The following ZSWIM5 variants were observed in gnomAD, a reference collection of about 807,000 sequenced individuals.
ZSWIM5 encodes the protein zinc finger SWIM domain-containing protein 5.
In ZSWIM5, 55 loss-of-function variants were observed where a neutral mutation model predicts 119.6. The observed-to-expected ratio is 0.46, with a 90% CI of 0.37 to 0.58. The LOEUF (loss-of-function observed/expected upper bound fraction) is 0.58, where lower values mean the gene tolerates loss of function less well. ZSWIM5 is among the 20% of genes least tolerant of loss of function. The pLI is 0.00. For missense variants in ZSWIM5, 1,193 were observed against 1,512.8 expected, an observed-to-expected ratio of 0.79 and a Z score of 3.51; for synonymous variants, 537 against 606.9, an observed-to-expected ratio of 0.88 and a Z score of 1.69.
chr1:45,170,488 G>A (rs1346368150), intron 1 of ZSWIM5, among the ~76,000 whole-genome samples: 1 of 151,536 alleles, frequency 6.6e-6, no homozygotes, highest in Non-Finnish European at 1.5e-5. Flanking sequence ...GCGGTGGCAG[G>A]ATCATGACTC....
rs1356538801 is a variant in ZSWIM5, at chr1:45,109,734, G to C, written c.596-21497C>G. Among the ~76,000 whole-genome samples, 3 of 101,698 alleles carry C rather than the reference G, an allele frequency of 2.9e-5. No homozygotes were observed. In the East Asian group the frequency reaches 8.0e-4, roughly 27 times the overall value. The allele number at this position is 101,698 out of a possible 152,430, so 66.7% of individuals were successfully genotyped here. A position where few individuals can be genotyped will look rare whatever the true frequency, so the allele number is the denominator to read the frequency against. ...CAATCCATCCTGGGCGACAGAGCTA[G>C]ACTTCGTATGAAAAAAAAAAAAAGA... On this transcript the variant is annotated intron_variant, in intron 1 of 13. Transcript: ENST00000359600.
At chr1:45,116,022 A>G (rs1268164891) in intron 1 of ZSWIM5, among the ~76,000 whole-genome samples, 1 of 151,474 alleles carries the variant, frequency 6.6e-6, no homozygotes, top group African/African-American at 2.4e-5. Context: ...CAGGAGAATC[A>G]GGCAGGGAGG....
chr1:45,020,811 C>G lies in ZSWIM5; in HGVS notation c.2450-23G>C, dbSNP rs776929680. On this transcript the variant is annotated intron_variant, in intron 11 of 13. Coordinates refer to ENST00000359600, the MANE Select transcript of ZSWIM5 (RefSeq NM_020883.2). ...CTCCTATAGGTGTCAAGAGAAGGGGCAGGGTCTATTTTAAAGTTTTACTAA... is the reference window on the plus strand; with the variant it reads ...CTCCTATAGGTGTCAAGAGAAGGGGGAGGGTCTATTTTAAAGTTTTACTAA... 6.2e-6 allele frequency: 10 copies of G among 1,608,512 alleles called. No individual in the cohort carries two copies. The African/African-American group carries it at 1.3e-4, about 22-fold the overall frequency.
At chr1:45,036,901 C>T (rs554593760) in intron 8 of ZSWIM5, among the ~76,000 whole-genome samples, 5 of 152,042 alleles carry the variant, frequency 3.3e-5, no homozygotes, top group African/African-American at 9.7e-5. Context: ...TGGGCTCAAG[C>T]GACCCTCCCA....
At chr1:45,163,837 C>T (rs1181728913) in intron 1 of ZSWIM5, among the ~76,000 whole-genome samples, 1 of 152,132 alleles carries the variant, frequency 6.6e-6, no homozygotes, top group South Asian at 2.1e-4. Context: ...ACCAAATCTA[C>T]GTCTGATTGG....
At chr1:45,161,109 C>A (rs1645861714) in intron 1 of ZSWIM5, among the ~76,000 whole-genome samples, 1 of 151,736 alleles carries the variant, frequency 6.6e-6, no homozygotes, top group African/African-American at 2.4e-5. Flanking sequence ...AAGGCATGAG[C>A]CACCGTGCCT....
intron 11 of ZSWIM5, among the ~76,000 whole-genome samples, chr1:45,033,547 G>A (rs1644965071): frequency 6.6e-6 from 1 of 152,050 alleles, no homozygotes; most frequent in Non-Finnish European, 1.5e-5. Context: ...GGATGTATGT[G>A]AGCTTAAAGG....
chr1:45,074,352 A>G (rs1645243710), intron 2 of ZSWIM5, among the ~76,000 whole-genome samples: 2 of 151,720 alleles, frequency 1.3e-5, no homozygotes, highest in South Asian at 4.1e-4. Flanking sequence ...GCTGGGTCTC[A>G]GGCTTTTCAT....
At chr1:45,167,900 G>A (rs1277715373) in intron 1 of ZSWIM5, among the ~76,000 whole-genome samples, 1 of 152,162 alleles carries the variant, frequency 6.6e-6, no homozygotes, top group African/African-American at 2.4e-5. Flanking sequence ...TTCAACCATT[G>A]TGGAAGACAG....
chr1:45,198,345 A>T (rs1234531178), intron 1 of ZSWIM5, among the ~76,000 whole-genome samples: 3 of 152,250 alleles, frequency 2.0e-5, no homozygotes, highest in African/African-American at 7.2e-5. Flanking sequence ...GCACAATCAA[A>T]GCAATGGCTA....
At chr1:45,109,079 G>A (rs889476633) in intron 1 of ZSWIM5, among the ~76,000 whole-genome samples, 1 of 152,114 alleles carries the variant, frequency 6.6e-6, no homozygotes. Flanking sequence ...GTTCCATCTT[G>A]CAACTTGACC....
intron 1 of ZSWIM5, among the ~76,000 whole-genome samples, chr1:45,134,044 T>C (rs1209703903): frequency 2.6e-5 from 4 of 152,216 alleles, no homozygotes; most frequent in Non-Finnish European, 5.9e-5. Context: ...TCAGGTAGCA[T>C]GATGCCTCCA....
intron 1 of ZSWIM5, among the ~76,000 whole-genome samples, chr1:45,170,731 A>C (rs555131506): frequency 6.6e-6 from 1 of 151,708 alleles, no homozygotes; most frequent in African/African-American, 2.4e-5. Flanking sequence ...GCCACCACAC[A>C]AGGTTAATTT....
chr1:45,152,953 AGACAC>A (rs1645805989), intron 1 of ZSWIM5, among the ~76,000 whole-genome samples: 1 of 152,034 alleles, frequency 6.6e-6, no homozygotes, highest in Non-Finnish European at 1.5e-5. Context: ...AAATGCAAAC[AGACAC>A]TTCTCAAAAG....
At chr1:45,132,767 C>T (rs187862011) in intron 1 of ZSWIM5, among the ~76,000 whole-genome samples, 30 of 152,266 alleles carry the variant, frequency 2.0e-4, no homozygotes, top group Non-Finnish European at 3.2e-4. Context: ...CCCCACTCCC[C>T]GCACCCCACA....
At chr1:45,137,694 G>A (rs1272814142) in intron 1 of ZSWIM5, among the ~76,000 whole-genome samples, 1 of 152,148 alleles carries the variant, frequency 6.6e-6, no homozygotes, top group Non-Finnish European at 1.5e-5. Flanking sequence ...AGAATAGCAA[G>A]GAGGACATTA....
intron 1 of ZSWIM5, among the ~76,000 whole-genome samples, chr1:45,111,839 A>C (rs981707285): frequency 6.6e-6 from 1 of 152,228 alleles, no homozygotes. Context: ...TAGTAAATTT[A>C]TTCTCCCTGC....
rs530661287 is a variant in ZSWIM5, at chr1:45,085,489, C to T, written c.952+2392G>A. On this transcript the variant is annotated intron_variant, in intron 2 of 13. Coordinates refer to ENST00000359600, the MANE Select transcript of ZSWIM5 (RefSeq NM_020883.2). ...TTTCCAAACTTTTACACTCTGTTTC[C>T]CTTTTAAATATAAGTTCTAGTTTTA... 3.3e-5 allele frequency among the ~76,000 whole-genome samples: 5 copies of T among 151,492 alleles called. No homozygotes were observed. In the South Asian group the frequency reaches 1.0e-3, roughly 32 times the overall value.
At chr1:45,105,780 G>C (rs545403001) in intron 1 of ZSWIM5, among the ~76,000 whole-genome samples, 1 of 142,450 alleles carries the variant, frequency 7.0e-6, no homozygotes, top group African/African-American at 2.7e-5. Flanking sequence ...GAGTGTCTCT[G>C]CCTGGCTGCC....
Sources: gnomAD v4.1 joint callset for allele counts (sites outside exome capture counted in the v4.1 genomes callset) on GRCh38, gnomAD v4.1.1 for gene constraint, MANE v1.5 for transcripts, NCBI Gene and HGNC (gene_info 2026-07-23, HGNC 2026-07-21) for gene names.